Variants in CEP290 observed in about 807,000 individuals in gnomAD.
CEP290 encodes the protein centrosomal protein 290, also known as centrosomal protein of 290 kDa.
A neutral mutation model predicts 344.9 loss-of-function variants in CEP290; 317 were observed. The observed-to-expected ratio is 0.92, with a 90% CI of 0.84 to 1.01. The LOEUF (loss-of-function observed/expected upper bound fraction) is 1.01. Ranked by LOEUF, CEP290 falls within the 50% of genes least tolerant of loss-of-function variation. The pLI is 0.00. For missense variants in CEP290, 2,754 were observed against 2,761.4 expected (o/e 1.00, Z 0.06); for synonymous variants, 932 against 895.8 (o/e 1.04, Z -0.72).
chr12:88,062,636 A>G, intron 46 of CEP290, 56 bp downstream of exon 46: 1 of 1,177,132 alleles, frequency 8.5e-7, no homozygotes, highest in East Asian at 2.4e-5. Context: ...TAAACTTTTC[A>G]TTTCTGGCTT....
intron 5 of CEP290, among the ~76,000 whole-genome samples, chr12:88,137,598 C>A (rs2040417618): frequency 6.6e-6 from 1 of 152,172 alleles, no homozygotes. Context: ...AAAAGCATTC[C>A]ATTGTGCTCT....
intron 15 of CEP290, 84 bp downstream of exon 15, chr12:88,120,026 TAATA>T (rs889595126): frequency 4.3e-5 from 34 of 788,214 alleles, no homozygotes; most frequent in Middle Eastern, 4.0e-4. Context: ...TTAAACTACT[TAATA>T]AATAATAATA....
chr12:88,127,347 G>A (rs901713414), intron 11 of CEP290, among the ~76,000 whole-genome samples: 15 of 152,102 alleles, frequency 9.9e-5, no homozygotes, highest in South Asian at 2.1e-4. Flanking sequence ...AATTAGCTGC[G>A]CATGGCGGCA....
At chr12:88,107,781 A>C (rs1340311615) in intron 23 of CEP290, among the ~76,000 whole-genome samples, 1 of 152,064 alleles carries the variant, frequency 6.6e-6, no homozygotes, top group Non-Finnish European at 1.5e-5. Flanking sequence ...ACATGCCTGT[A>C]ATCTCAGCTA....
At chr12:88,056,739 TGAATAAA>T (rs2034036901) in intron 49 of CEP290, among the ~76,000 whole-genome samples, 1 of 152,184 alleles carries the variant, frequency 6.6e-6, no homozygotes, top group African/African-American at 2.4e-5. Context: ...CTAAGTTTGT[TGAATAAA>T]TAATAAAGCA....
At chr12:88,091,254 A>G (rs983169012) in intron 29 of CEP290, among the ~76,000 whole-genome samples, 2 of 152,214 alleles carry the variant, frequency 1.3e-5, no homozygotes, top group African/African-American at 4.8e-5. Context: ...GGTATTTAGT[A>G]CATTTATCTA....
Position 88,068,542 on chromosome 12 carries a change from C to A in CEP290, c.6115G>T (p.Asp2039Tyr). ...CTTACTGAAGGCTTAGAATATGTAT[C>A]CTTTGAAAACTGTTTTTCTAAAGCA... Reference protein sequence around the residue: ...LHALEKQFSKDTYSKPSISGI... With the variant: ...LHALEKQFSKYTYSKPSISGI... Residue 2039 changes from aspartate to tyrosine, a missense_variant, in exon 44 of 54, where the codon GAT becomes TAT. Asp to Tyr is a radical substitution (Grantham distance 160). Coordinates refer to ENST00000552810, the MANE Select transcript of CEP290 (RefSeq NM_025114.4). 2 of 1,560,940 alleles carry A rather than the reference C, an allele frequency of 1.3e-6. No homozygotes were observed. The highest frequency in any genetic ancestry group is 1.2e-5 in the South Asian group (1 of 81,732).
chr12:88,090,031 G>T (rs2036905282), intron 30 of CEP290, among the ~76,000 whole-genome samples: 2 of 151,272 alleles, frequency 1.3e-5, no homozygotes, highest in Non-Finnish European at 3.0e-5. Flanking sequence ...GACTGTTACA[G>T]TTTTTTTTTA....
chr12:88,103,212 T>C (rs189589490), intron 25 of CEP290: 60 of 339,428 alleles, frequency 1.8e-4, no homozygotes, highest in Middle Eastern at 1.7e-3. Flanking sequence ...ATCTTAATCA[T>C]AATAAAAATA....
rs764895014 is a variant in CEP290 at position 88,071,792 on chromosome 12, A to C, written c.5844T>G (p.Asp1948Glu). ...ATATTTAAACTCACTTGGCAAAAAG[A>C]TCCTTCAAAGTATTCAACTGCTTTG... ...TLTKQLNTLKDLFAKADKEKL... is the reference protein window; with the variant it reads ...TLTKQLNTLKELFAKADKEKL... The change falls in exon 42 of 54, where the codon GAT (aspartate) becomes GAG (glutamate). Residue 1948 changes from aspartate (D) to glutamate (E), a missense_variant. Transcript: ENST00000552810. The C allele has an allele frequency of 6.3e-7, 1 of 1,591,824 alleles. No individual in the cohort carries two copies. The highest frequency in any genetic ancestry group is 1.4e-5 in the African/African-American group (1 of 73,920).
rs886042467 is a variant in CEP290, at chr12:88,093,839, A to C, written c.3240T>G (p.Tyr1080Ter). ...GCTTTAACGAAGTCCGTAAGTGTTCATACATTTTTTGACAATGTTCAGCCC... is the reference window on the plus strand; with the variant it reads ...GCTTTAACGAAGTCCGTAAGTGTTCCTACATTTTTTGACAATGTTCAGCCC... Reference protein sequence around the residue: ...RQRAEHCQKMYEHLRTSLKQM... With the variant: ...RQRAEHCQKM The change falls in exon 28 of 54, where the codon TAT becomes TAG. Residue 1080 changes from tyrosine to a stop codon, truncating the protein, a stop_gained. Coordinates refer to ENST00000552810, the MANE Select transcript of CEP290 (RefSeq NM_025114.4). LOFTEE classifies it high-confidence loss of function. 4 of 1,612,898 alleles carry C rather than the reference A, an allele frequency of 2.5e-6. No individual in the cohort carries two copies. The highest frequency in any genetic ancestry group is 3.4e-6 in the Non-Finnish European group (4 of 1,179,344).
intron 23 of CEP290, among the ~76,000 whole-genome samples, chr12:88,108,042 A>G (rs2038414657): frequency 1.3e-5 from 2 of 152,054 alleles, no homozygotes; most frequent in Non-Finnish European, 2.9e-5. Context: ...TGTATAGCAT[A>G]GTATATACAT....
chr12:88,117,110 T>A lies in CEP290; in HGVS notation c.1747A>T (p.Ile583Phe). The change falls in exon 18 of 54, where the codon ATT becomes TTT. Residue 583 changes from isoleucine (I) to phenylalanine (F), a missense_variant. Physicochemically the swap from Ile to Phe is conservative, Grantham distance 21. Transcript: ENST00000552810. ...TTEDLNLTEN[I>F]SQGDRISERK... ...TCACTTATTCTATCTCCTTGAGAAA[T>A]GTTTTCAGTTAGGTTCAGGTCCTCA... The A allele has an allele frequency of 6.4e-7, 1 of 1,561,120 alleles. No homozygotes were observed. The highest frequency in any genetic ancestry group is 8.7e-7 in the Non-Finnish European group (1 of 1,149,548).
At chr12:88,086,738 T>C (rs2036611020) in intron 32 of CEP290, among the ~76,000 whole-genome samples, 1 of 152,194 alleles carries the variant, frequency 6.6e-6, no homozygotes, top group Admixed American at 6.5e-5. Context: ...CATCCATCCG[T>C]TCAGCTATAC....
chr12:88,101,655 T>A (rs1353156449), intron 26 of CEP290, among the ~76,000 whole-genome samples: 1 of 17,528 alleles, frequency 5.7e-5, no homozygotes, highest in Non-Finnish European at 1.2e-4. Flanking sequence ...TGAAACTCCA[T>A]CTCAAAAAAA....
At position 88,129,777 on chromosome 12, in the gene CEP290, A is replaced by T. The variant is rs1191954750; in HGVS notation, c.769T>A (p.Tyr257Asn). 6.7e-7 allele frequency: 1 copy of T among 1,484,128 alleles called. No homozygotes were observed. The highest frequency in any genetic ancestry group is 9.0e-7 in the Non-Finnish European group (1 of 1,107,730). The allele number at this position is 1,484,128 out of a possible 1,614,324, so 91.9% of individuals were successfully genotyped here. ...TGCACAATAGCTTTCATTCTATTAT[A>T]TTCATCAGTCATCTTCTCCATTTCC... ...VQEMEKMTDE[Y>N]NRMKAIVHQT... is the part of the protein sequence containing the mutation. Residue 257 changes from tyrosine (Y) to asparagine (N), a missense_variant, in exon 10 of 54, where the codon TAT becomes AAT. Physicochemically the swap from Tyr to Asn is moderately radical, Grantham distance 143. Transcript: ENST00000552810.
At chr12:88,090,901 T>G (rs1639151304) in intron 29 of CEP290, 62 bp from the exon 30 acceptor site, 9 of 998,928 alleles carry the variant, frequency 9.0e-6, no homozygotes, top group Non-Finnish European at 1.3e-5. Flanking sequence ...ATGCCAAAAT[T>G]CAAAATTTCT....
At position 88,087,095 on chromosome 12, in the gene CEP290, G is replaced by T. The variant is rs560636783; in HGVS notation, c.4195-597C>A. The stretch of plus-strand genomic sequence containing the variant: ...CTAGGGTAAGAACAATTTAAGCAGG[G>T]GGAACAATCTCTGAGACAGTCATAT... On this transcript the variant is annotated intron_variant, in intron 32 of 53. Transcript: ENST00000552810. Among the ~76,000 whole-genome samples the T allele has an allele frequency of 3.9e-5, 6 of 152,158 alleles. No homozygotes were observed. In the South Asian group the frequency reaches 1.0e-3, roughly 26 times the overall value.
chr12:88,133,278 G>A (rs1266162541), intron 6 of CEP290, among the ~76,000 whole-genome samples: 1 of 151,750 alleles, frequency 6.6e-6, no homozygotes, highest in Non-Finnish European at 1.5e-5. Context: ...GTAGAGATGG[G>A]GTTTCACCAT....
Sources: gnomAD v4.1 joint callset for allele counts (sites outside exome capture counted in the v4.1 genomes callset) on GRCh38, gnomAD v4.1.1 for gene constraint, MANE v1.5 for transcripts, NCBI Gene and HGNC (gene_info 2026-07-23, HGNC 2026-07-21) for gene names.